The following ZNF618 variants were observed in gnomAD, a reference collection of about 807,000 sequenced individuals.
ZNF618 encodes neural precursor cell expressed, developmentally down-regulated 10.
A neutral mutation model predicts 103.0 loss-of-function variants in ZNF618; 34 were observed. The observed-to-expected ratio is 0.33, with a 90% confidence interval of 0.25 to 0.44. ZNF618 has a LOEUF of 0.44. Among genes scored for constraint, ZNF618 ranks in the 20% least tolerant of loss-of-function variants. ZNF618 has a pLI of 1.00. For missense variants in ZNF618, 1,059 were observed against 1,295.4 expected (o/e 0.82, Z 2.80); for synonymous variants, 551 against 542.2 (o/e 1.02, Z -0.23).
At chr9:113,982,753 C>G (rs1042653333) in intron 2 of ZNF618, among the ~76,000 whole-genome samples, 2 of 152,158 alleles carry the variant, frequency 1.3e-5, no homozygotes, top group Non-Finnish European at 2.9e-5. Flanking sequence ...CCCATTCCAG[C>G]CTCATGGGTG....
intron 10 of ZNF618, among the ~76,000 whole-genome samples, chr9:114,019,563 G>A (rs1842909821): frequency 6.6e-6 from 1 of 152,194 alleles, no homozygotes; most frequent in Admixed American, 6.5e-5. Context: ...TCTCACTGTG[G>A]TGTTAATTTG....
At chr9:113,992,507 C>T (rs1161957308) in intron 3 of ZNF618, among the ~76,000 whole-genome samples, 1 of 152,170 alleles carries the variant, frequency 6.6e-6, no homozygotes, top group African/African-American at 2.4e-5. Flanking sequence ...TTGTCCTGGT[C>T]ACCGGGCATG....
chr9:113,928,043 G>C (rs983936434), intron 1 of ZNF618, among the ~76,000 whole-genome samples: 3 of 152,192 alleles, frequency 2.0e-5, no homozygotes, highest in Admixed American at 6.5e-5. Context: ...ACGAGGCATG[G>C]AGTGACAGCC....
chr9:113,881,525 T>G (rs1478870150), intron 1 of ZNF618, among the ~76,000 whole-genome samples: 1 of 152,216 alleles, frequency 6.6e-6, no homozygotes, highest in Non-Finnish European at 1.5e-5. Context: ...AGTTACAGTC[T>G]TTTGCGGGGG....
intron 1 of ZNF618, among the ~76,000 whole-genome samples, chr9:113,915,523 G>C (rs1359533069): frequency 6.6e-6 from 1 of 152,102 alleles, no homozygotes; most frequent in Non-Finnish European, 1.5e-5. Context: ...ATTGGTAAAG[G>C]GGAAAGATAA....
intron 9 of ZNF618, among the ~76,000 whole-genome samples, chr9:114,011,348 G>A (rs796589568): frequency 7.2e-5 from 11 of 152,362 alleles, no homozygotes; most frequent in African/African-American, 2.2e-4. Context: ...AAGATGAAGT[G>A]TGTTCTCTGT....
intron 1 of ZNF618, among the ~76,000 whole-genome samples, chr9:113,934,456 G>A (rs1369496953): frequency 6.6e-6 from 1 of 152,178 alleles, no homozygotes; most frequent in Non-Finnish European, 1.5e-5. Context: ...TGGATTGTGA[G>A]GAGTAAATGG....
intron 7 of ZNF618, 142 bp from the exon 8 acceptor site, chr9:114,008,202 C>A: frequency 8.7e-7 from 1 of 1,144,224 alleles, no homozygotes; most frequent in Non-Finnish European, 1.2e-6. Context: ...TCCACAGTGG[C>A]CACGGCAGCC....
Position 114,047,890 on chromosome 9 carries a change from C to T in ZNF618, c.1247-3C>T. On this transcript the variant is annotated splice_polypyrimidine_tract_variant and splice_region_variant and intron_variant, in intron 13 of 14. Transcript: ENST00000374126. The stretch of plus-strand genomic sequence containing the variant: ...TAACACACTGTCCCCTTTGTGCCCA[C>T]AGCTGACAATGAAAACAACATTGCC... The T allele has an allele frequency of 1.3e-6, 2 of 1,594,572 alleles. No homozygotes were observed. The highest frequency in any genetic ancestry group is 2.3e-5 in the South Asian group (2 of 87,162).
At chr9:113,931,314 G>T (rs751760978) in intron 1 of ZNF618, among the ~76,000 whole-genome samples, 1 of 152,206 alleles carries the variant, frequency 6.6e-6, no homozygotes, top group East Asian at 1.9e-4. Flanking sequence ...GTTTAGGAGC[G>T]TGGGGCAGGA....
intron 1 of ZNF618, among the ~76,000 whole-genome samples, chr9:113,955,544 AT>A (rs1269832209): frequency 6.6e-6 from 1 of 150,620 alleles, no homozygotes; most frequent in African/African-American, 2.4e-5. Context: ...CCCTCCCCCT[AT>A]TTTCCTGGGC....
chr9:114,028,539 G>A (rs527787837), intron 10 of ZNF618, 194 bp from the exon 11 acceptor site: 23 of 837,498 alleles, frequency 2.7e-5, no homozygotes, highest in South Asian at 1.1e-4. Flanking sequence ...ATAACTAAGC[G>A]TGAGCTGACA....
intron 1 of ZNF618, among the ~76,000 whole-genome samples, chr9:113,948,404 A>T (rs1835253419): frequency 6.6e-6 from 1 of 152,174 alleles, no homozygotes; most frequent in Admixed American, 6.5e-5. Context: ...GGAAATCCAG[A>T]TCCTCACACT....
intron 1 of ZNF618, among the ~76,000 whole-genome samples, chr9:113,901,687 C>T (rs971040972): frequency 1.1e-4 from 16 of 152,132 alleles, no homozygotes; most frequent in African/African-American, 3.9e-4. Context: ...CTCATAAACG[C>T]CACTGCTTCG....
intron 1 of ZNF618, among the ~76,000 whole-genome samples, chr9:113,963,579 G>A (rs1837067792): frequency 6.6e-6 from 1 of 152,152 alleles, no homozygotes; most frequent in East Asian, 1.9e-4. Flanking sequence ...TCCACCCAGA[G>A]CCCAGCAGAG....
chr9:113,959,222 G>A (rs778019834), intron 1 of ZNF618, among the ~76,000 whole-genome samples: 1 of 152,120 alleles, frequency 6.6e-6, no homozygotes, highest in Non-Finnish European at 1.5e-5. Flanking sequence ...GGGAGGTGGA[G>A]GTTGCGGTGA....
chr9:113,983,163 A>C (rs1839125162), intron 2 of ZNF618, among the ~76,000 whole-genome samples: 1 of 152,238 alleles, frequency 6.6e-6, no homozygotes, highest in African/African-American at 2.4e-5. Context: ...TGCTGAGAAT[A>C]TCCAAGGGCT....
At chr9:114,027,107 T>C (rs1024008919) in intron 10 of ZNF618, among the ~76,000 whole-genome samples, 4 of 151,622 alleles carry the variant, frequency 2.6e-5, no homozygotes, top group African/African-American at 9.7e-5. Context: ...ATTCTGTGGG[T>C]TAAAAAAAAA....
chr9:114,034,379 C>A (rs1844393564), intron 12 of ZNF618, among the ~76,000 whole-genome samples: 1 of 152,142 alleles, frequency 6.6e-6, no homozygotes, highest in Non-Finnish European at 1.5e-5. Context: ...CACCCCCATG[C>A]GTCCCCTGCC....
Sources: gnomAD v4.1 joint callset for allele counts (sites outside exome capture counted in the v4.1 genomes callset) on GRCh38, gnomAD v4.1.1 for gene constraint, MANE v1.5 for transcripts, NCBI Gene and HGNC (gene_info 2026-07-23, HGNC 2026-07-21) for gene names.